WDR27: variants seen among roughly 807,000 people sequenced by gnomAD.
The protein encoded by WDR27 is WD repeat-containing protein 27.
WDR27 carries 100 observed loss-of-function variants against 114.4 expected under a neutral mutation model. The observed-to-expected ratio is 0.87, with a 90% CI of 0.74 to 1.03. WDR27 has a LOEUF of 1.03. WDR27 is among the 50% of genes least tolerant of loss of function. WDR27 has a pLI of 0.00. For synonymous variants in WDR27, 449 were observed against 423.1 expected (o/e 1.06, Z -0.75); for missense variants, 1,129 against 1,092.9 (o/e 1.03, Z -0.47).
intron 21 of WDR27, among the ~76,000 whole-genome samples, chr6:169,618,367 T>C (rs1266819050): frequency 1.3e-5 from 2 of 151,930 alleles, no homozygotes; most frequent in African/African-American, 2.4e-5. Flanking sequence ...TAAAAATATA[T>C]AAAGTATCTA....
intron 20 of WDR27, among the ~76,000 whole-genome samples, chr6:169,633,693 C>T (rs1044984254): frequency 6.6e-6 from 1 of 152,174 alleles, no homozygotes; most frequent in African/African-American, 2.4e-5. Flanking sequence ...TCAAGAGACC[C>T]GTAATGCTGG....
At chr6:169,617,945 A>G (rs1438602272) in intron 21 of WDR27, among the ~76,000 whole-genome samples, 1 of 152,184 alleles carries the variant, frequency 6.6e-6, no homozygotes, top group Admixed American at 6.5e-5. Context: ...CATTAAAAGG[A>G]AAACCTTAGG....
chr6:169,688,979 T>C lies in WDR27; in HGVS notation c.27A>G (p.Ser9=). The C allele has an allele frequency of 6.2e-7, 1 of 1,612,718 alleles. No individual in the cohort carries two copies. The highest frequency in any genetic ancestry group is 8.5e-7 in the Non-Finnish European group (1 of 1,179,438). Residue 9 remains serine, a synonymous_variant, in exon 2 of 26, where the codon TCA becomes TCG. Transcript: ENST00000448612. The part of the protein sequence containing the change: MENPQDIF[S]SNGGCLSDIV... ...TATCACTTAGACAGCCACCATTACTTGAGAAAATGTCTTGGGGATTTTCCA... is the reference window on the plus strand; with the variant it reads ...TATCACTTAGACAGCCACCATTACTCGAGAAAATGTCTTGGGGATTTTCCA...
At position 169,647,837 on chromosome 6, in the gene WDR27, G is replaced by T. The variant is rs538462553; in HGVS notation, c.1593C>A (p.Thr531=). The change falls in exon 16 of 26, where the codon ACC becomes ACA. Residue 531 remains threonine (T), a synonymous_variant. Coordinates refer to ENST00000448612, the MANE Select transcript of WDR27 (RefSeq NM_182552.5). Reference sequence around the variant, plus strand: ...CGGCAGCGACCTGGGGGCCGGGCTTGGTGGGCACAGCGCACTCCACGGGGT... The same window carrying T: ...CGGCAGCGACCTGGGGGCCGGGCTTTGTGGGCACAGCGCACTCCACGGGGT... ...EAYPVECAVP[T]KPGPQVAAAP... The T allele has an allele frequency of 7.6e-6, 12 of 1,580,110 alleles. No homozygotes were observed. The highest frequency in any genetic ancestry group is 9.5e-6 in the Non-Finnish European group (11 of 1,163,732).
At chr6:169,650,757 C>T (rs568373163) in intron 14 of WDR27, among the ~76,000 whole-genome samples, 2 of 151,644 alleles carry the variant, frequency 1.3e-5, no homozygotes, top group Non-Finnish European at 2.9e-5. Flanking sequence ...TCCATCCCCA[C>T]CATCTATCCA....
chr6:169,655,709 G>A (rs1010938266), intron 13 of WDR27, among the ~76,000 whole-genome samples: 20 of 152,144 alleles, frequency 1.3e-4, no homozygotes, highest in Non-Finnish European at 2.6e-4. Flanking sequence ...AGGGTGAGCA[G>A]GGCAGAGTTT....
chr6:169,525,774 G>A (rs990014146), intron 25 of WDR27, among the ~76,000 whole-genome samples: 1 of 152,094 alleles, frequency 6.6e-6, no homozygotes, highest in Non-Finnish European at 1.5e-5. Context: ...ATATCAAAGA[G>A]ATACACGCAC....
chr6:169,674,704 T>C (rs1779630517), intron 2 of WDR27, among the ~76,000 whole-genome samples: 1 of 152,146 alleles, frequency 6.6e-6, no homozygotes, highest in Non-Finnish European at 1.5e-5. Context: ...CATAAACCCG[T>C]AGAACCCCAA....
intron 25 of WDR27, among the ~76,000 whole-genome samples, chr6:169,476,035 C>T (rs992582498): frequency 6.6e-6 from 1 of 152,118 alleles, no homozygotes; most frequent in Non-Finnish European, 1.5e-5. Context: ...TTACTTAGAT[C>T]TTCTATGCAG....
In WDR27 at chr6:169,669,908, C is replaced by G. The variant is rs7758487; in HGVS notation, c.456+661G>C. The G allele has an allele frequency of 2.3e-3, 350 of 152,232 alleles. 2 individuals are homozygous for G. Among genetic ancestry groups the G allele is most frequent in the African/African-American group, 7.9e-3 (329 of 41,528 alleles). The allele number at this position is 152,232 out of a possible 1,614,324, so 9.4% of individuals were successfully genotyped here. On this transcript the variant is annotated intron_variant, in intron 4 of 25. Transcript: ENST00000448612. ...CATGCCGAACATCCTTCCTCGCCTACGTTTATTAAGTGGCTATCAAAAGAA... is the reference window on the plus strand; with the variant it reads ...CATGCCGAACATCCTTCCTCGCCTAGGTTTATTAAGTGGCTATCAAAAGAA...
chr6:169,612,896 T>A (rs1225600087), intron 22 of WDR27, among the ~76,000 whole-genome samples: 1 of 152,208 alleles, frequency 6.6e-6, no homozygotes, highest in Admixed American at 6.5e-5. Context: ...TCATCACTAA[T>A]TTGAAATAAT....
intron 25 of WDR27, among the ~76,000 whole-genome samples, chr6:169,555,872 G>C (rs1189439694): frequency 6.6e-6 from 1 of 152,128 alleles, no homozygotes. Flanking sequence ...AATTTAGCGG[G>C]AAAAGGAAAT....
At chr6:169,601,411 G>A (rs997346856) in intron 23 of WDR27, among the ~76,000 whole-genome samples, 1 of 152,150 alleles carries the variant, frequency 6.6e-6, no homozygotes, top group East Asian at 1.9e-4. Flanking sequence ...TTATCATCAT[G>A]ACTAGAAATG....
chr6:169,545,585 A>G (rs1797359916), intron 25 of WDR27, among the ~76,000 whole-genome samples: 1 of 152,106 alleles, frequency 6.6e-6, no homozygotes, highest in Admixed American at 6.5e-5. Flanking sequence ...GGCTAAGGTC[A>G]GAGGATCACT....
At chr6:169,616,047 C>T (rs973465015) in intron 21 of WDR27, among the ~76,000 whole-genome samples, 2 of 149,154 alleles carry the variant, frequency 1.3e-5, no homozygotes, top group African/African-American at 4.9e-5. Flanking sequence ...GAAAAAAAAA[C>T]AGATATAAGG....
chr6:169,661,947 T>C (rs767979844), intron 9 of WDR27, among the ~76,000 whole-genome samples: 9 of 152,188 alleles, frequency 5.9e-5, no homozygotes, highest in Non-Finnish European at 1.2e-4. Flanking sequence ...TAGTCTGGGG[T>C]TAACTTTAAA....
chr6:169,694,418 CAAA>C (rs1384862571), intron 1 of WDR27, among the ~76,000 whole-genome samples: 1 of 152,166 alleles, frequency 6.6e-6, no homozygotes, highest in African/African-American at 2.4e-5. Context: ...ATCTGGCAAT[CAAA>C]AATTCTACTT....
rs570153773 is a variant in WDR27, at chr6:169,617,605, A to G, written c.2224-3949T>C. ...TGGCCAGTCTGGTTTTGAACTCCTG[A>G]CCTCAGGTGATCCACCCACCTCTGC... On this transcript the variant is annotated intron_variant, in intron 21 of 25. Transcript: ENST00000448612. Among the ~76,000 whole-genome samples, 9 of 152,160 alleles carry G rather than the reference A, an allele frequency of 5.9e-5. No individual in the cohort carries two copies. In the East Asian group the frequency reaches 1.7e-3, roughly 30 times the overall value.
At chr6:169,557,619 C>A (rs574651693) in intron 25 of WDR27, among the ~76,000 whole-genome samples, 69 of 152,272 alleles carry the variant, frequency 4.5e-4, no homozygotes, top group African/African-American at 1.5e-3. Context: ...TTCCAAAATT[C>A]TTTTATTTTG....
Sources: allele counts gnomAD v4.1 joint callset (sites outside exome capture counted in the v4.1 genomes callset), GRCh38; gene constraint gnomAD v4.1.1; transcripts MANE v1.5; gene names NCBI Gene and HGNC (gene_info 2026-07-23, HGNC 2026-07-21).